RBFOX1: variants seen among roughly 807,000 people sequenced by gnomAD.
RBFOX1 encodes RNA binding fox-1 homolog 1.
In RBFOX1, 8 loss-of-function variants were observed where a neutral mutation model predicts 57.7. The observed-to-expected ratio is 0.14, with a 90% CI of 0.08 to 0.25. The LOEUF is 0.25. Among genes scored for constraint, RBFOX1 ranks in the 10% least tolerant of loss-of-function variants. The pLI, the probability that RBFOX1 is intolerant of heterozygous loss-of-function variation, is 1.00. For synonymous variants in RBFOX1, 326 were observed against 222.4 expected, an observed-to-expected ratio of 1.47 and a Z score of -4.15; for missense variants, 611 against 548.5, an observed-to-expected ratio of 1.11 and a Z score of -1.14.
intron 3 of RBFOX1, among the ~76,000 whole-genome samples, chr16:6,759,997 T>C (rs989932337): frequency 1.3e-5 from 2 of 152,224 alleles, no homozygotes; most frequent in African/African-American, 2.4e-5. Flanking sequence ...ATATGTAGCC[T>C]TCAAGGGCAT....
At chr16:6,509,955 C>G (rs1383018767) in intron 2 of RBFOX1, among the ~76,000 whole-genome samples, 1 of 152,152 alleles carries the variant, frequency 6.6e-6, no homozygotes, top group Non-Finnish European at 1.5e-5. Context: ...GATGTTTACT[C>G]AAAGGCAAAT....
intron 4 of RBFOX1, among the ~76,000 whole-genome samples, chr16:7,148,225 A>C (rs1425657024): frequency 1.3e-5 from 2 of 152,224 alleles, no homozygotes; most frequent in South Asian, 4.1e-4. Context: ...AGATGAAAAC[A>C]AAACTTTAAA....
chr16:7,559,316 A>G (rs1347056736), intron 5 of RBFOX1, among the ~76,000 whole-genome samples: 1 of 118,992 alleles, frequency 8.4e-6, no homozygotes, highest in East Asian at 1.9e-4. Context: ...TCTTTCTCTC[A>G]GTCTCTCTCT....
intron 3 of RBFOX1, among the ~76,000 whole-genome samples, chr16:6,959,018 T>C (rs914418277): frequency 2.6e-5 from 4 of 152,312 alleles, no homozygotes; most frequent in East Asian, 1.9e-4. Flanking sequence ...TTAATCATAA[T>C]GGACAGTCAT....
intron 3 of RBFOX1, among the ~76,000 whole-genome samples, chr16:5,695,733 G>A (rs1596799681): frequency 6.6e-6 from 1 of 152,206 alleles, no homozygotes. Context: ...TAAGGATCTA[G>A]TGGACAGCAC....
intron 1 of RBFOX1, among the ~76,000 whole-genome samples, chr16:5,372,675 T>A (rs1309705266): frequency 6.6e-6 from 1 of 152,166 alleles, no homozygotes; most frequent in Non-Finnish European, 1.5e-5. Flanking sequence ...GAATCGGCTT[T>A]GCAAGGAGCT....
intron 1 of RBFOX1, among the ~76,000 whole-genome samples, chr16:5,398,458 T>C (rs1434970308): frequency 2.0e-5 from 3 of 151,970 alleles, no homozygotes; most frequent in Admixed American, 6.6e-5. Context: ...TGTGTATGTG[T>C]ATGCATGTGT....
intron 3 of RBFOX1, among the ~76,000 whole-genome samples, chr16:5,638,832 G>A (rs560157933): frequency 6.6e-6 from 1 of 152,280 alleles, no homozygotes; most frequent in South Asian, 2.1e-4. Flanking sequence ...CTCAGAGAAA[G>A]CCATGAGGGA....
intron 4 of RBFOX1, among the ~76,000 whole-genome samples, chr16:7,294,206 T>TA (rs920062159): frequency 6.6e-6 from 1 of 152,016 alleles, no homozygotes; most frequent in Non-Finnish European, 1.5e-5. Flanking sequence ...AATCACCACT[T>TA]AGCTGTTTTT....
intron 3 of RBFOX1, among the ~76,000 whole-genome samples, chr16:5,702,444 G>C (rs981473694): frequency 6.6e-6 from 1 of 152,136 alleles, no homozygotes; most frequent in Non-Finnish European, 1.5e-5. Flanking sequence ...ATTTGAGTGG[G>C]GGCACAAATC....
intron 4 of RBFOX1, among the ~76,000 whole-genome samples, chr16:7,364,433 T>C (rs1161439573): frequency 6.6e-6 from 1 of 152,138 alleles, no homozygotes; most frequent in Non-Finnish European, 1.5e-5. Context: ...TTTGTGCGTG[T>C]TTAACATTTC....
chr16:6,139,589 A>C (rs1416253276), intron 1 of RBFOX1, among the ~76,000 whole-genome samples: 2 of 152,220 alleles, frequency 1.3e-5, no homozygotes, highest in Non-Finnish European at 2.9e-5. Context: ...ACAATGAAGA[A>C]ATGGAAAAGT....
chr16:6,115,727 T>C (rs568500233), intron 1 of RBFOX1, among the ~76,000 whole-genome samples: 1 of 152,176 alleles, frequency 6.6e-6, no homozygotes, highest in Non-Finnish European at 1.5e-5. Flanking sequence ...TTTGTGAAGT[T>C]TATTTACCAA....
chr16:5,268,010 C>T (rs1411039027), intron 1 of RBFOX1, among the ~76,000 whole-genome samples: 5 of 151,762 alleles, frequency 3.3e-5, no homozygotes, highest in Non-Finnish European at 5.9e-5. Flanking sequence ...ACCCAGGAGG[C>T]GGAGGTTGCA....
At chr16:6,818,324 A>C (rs899694071) in intron 3 of RBFOX1, among the ~76,000 whole-genome samples, 4 of 152,146 alleles carry the variant, frequency 2.6e-5, no homozygotes, top group Non-Finnish European at 5.9e-5. Flanking sequence ...CATGGTTTCT[A>C]AATGGGTGTG....
chr16:6,392,315 A>T (rs4786866), intron 2 of RBFOX1, among the ~76,000 whole-genome samples: 45,108 of 152,092 alleles, frequency 0.3, 7,692 homozygotes, highest in South Asian at 0.6. Flanking sequence ...CTGTAGTAAG[A>T]ATATTTACAC....
At chr16:7,437,482 C>A (rs758273027) in intron 4 of RBFOX1, among the ~76,000 whole-genome samples, 1 of 152,154 alleles carries the variant, frequency 6.6e-6, no homozygotes. Context: ...GTTGACGTTC[C>A]ATGCAGTGTG....
At chr16:6,461,058 A>T (rs1203337601) in intron 2 of RBFOX1, among the ~76,000 whole-genome samples, 4 of 152,102 alleles carry the variant, frequency 2.6e-5, no homozygotes, top group Non-Finnish European at 2.9e-5. Context: ...AACAATGAGA[A>T]CAGATAGACA....
At chr16:6,873,852 C>G (rs956170550) in intron 3 of RBFOX1, 4 of 152,080 alleles carry the variant, frequency 2.6e-5, no homozygotes, top group African/African-American at 9.7e-5. Flanking sequence ...AAGTAACTTG[C>G]ATAAAGTCAG....
Sources: allele counts gnomAD v4.1 joint callset (sites outside exome capture counted in the v4.1 genomes callset), GRCh38; gene constraint gnomAD v4.1.1; transcripts MANE v1.5; gene names NCBI Gene and HGNC (gene_info 2026-07-23, HGNC 2026-07-21).